The following PPARG variants were observed in gnomAD, a reference collection of about 807,000 sequenced individuals.
PPARG encodes peroxisome proliferator activated receptor gamma.
In PPARG, 17 loss-of-function variants were observed where a neutral mutation model predicts 39.2. The observed-to-expected ratio is 0.43, with a 90% CI of 0.30 to 0.65. The LOEUF (loss-of-function observed/expected upper bound fraction) is 0.65, where lower values mean the gene tolerates loss of function less well. Ranked by LOEUF, PPARG falls within the 30% of genes least tolerant of loss-of-function variation. The pLI is 0.13. For missense variants in PPARG, 406 were observed against 585.9 expected, an observed-to-expected ratio of 0.69 and a Z score of 3.17; for synonymous variants, 223 against 215.7, an observed-to-expected ratio of 1.03 and a Z score of -0.30.
intron 2 of PPARG, among the ~76,000 whole-genome samples, chr3:12,358,522 T>G (rs538878365): frequency 6.6e-6 from 1 of 152,326 alleles, no homozygotes; most frequent in South Asian, 2.1e-4. Context: ...AGCAATAAAG[T>G]ATGCCTGATT....
chr3:12,337,197 A>G (rs1423250947), intron 2 of PPARG, among the ~76,000 whole-genome samples: 2 of 152,248 alleles, frequency 1.3e-5, no homozygotes, highest in African/African-American at 4.8e-5. Flanking sequence ...GTGTTACAGC[A>G]TAAGAAAGAT....
intron 1 of PPARG, among the ~76,000 whole-genome samples, chr3:12,308,644 A>G (rs2124981235): frequency 6.6e-6 from 1 of 152,344 alleles, no homozygotes; most frequent in Non-Finnish European, 1.5e-5. Context: ...TGCCCATGGT[A>G]TCTGAGTAGT....
chr3:12,347,467 C>G (rs2048361115), intron 2 of PPARG, among the ~76,000 whole-genome samples: 1 of 152,110 alleles, frequency 6.6e-6, no homozygotes, highest in African/African-American at 2.4e-5. Flanking sequence ...TTGTTCTTCT[C>G]AAAGGAGTGT....
intron 4 of PPARG, among the ~76,000 whole-genome samples, chr3:12,388,990 T>C (rs2125202581): frequency 6.6e-6 from 1 of 152,178 alleles, no homozygotes; most frequent in Non-Finnish European, 1.5e-5. Flanking sequence ...AAAGCAACAG[T>C]GTCTTAAAGA....
intron 2 of PPARG, among the ~76,000 whole-genome samples, chr3:12,359,959 A>G (rs1251043888): frequency 6.6e-6 from 1 of 152,134 alleles, no homozygotes; most frequent in African/African-American, 2.4e-5. Context: ...GATGTGAGCC[A>G]CTATGCCCAG....
intron 2 of PPARG, among the ~76,000 whole-genome samples, chr3:12,377,015 T>A (rs1308048377): frequency 6.6e-6 from 1 of 152,216 alleles, no homozygotes; most frequent in African/African-American, 2.4e-5. Context: ...ACTGCTTTTT[T>A]GGCACCACTT....
At chr3:12,302,535 A>AG (rs1414016702) in intron 1 of PPARG, among the ~76,000 whole-genome samples, 2 of 152,242 alleles carry the variant, frequency 1.3e-5, no homozygotes, top group African/African-American at 2.4e-5. Context: ...TAAGAAAAAA[A>AG]AAGTTCCTGG....
chr3:12,427,629 A>G (rs1056350793), intron 7 of PPARG, among the ~76,000 whole-genome samples: 3 of 152,230 alleles, frequency 2.0e-5, no homozygotes, highest in African/African-American at 4.8e-5. Context: ...ACCCAGAAAG[A>G]TTAGATGATT....
intron 2 of PPARG, among the ~76,000 whole-genome samples, chr3:12,361,675 T>G (rs1015799600): frequency 5.3e-5 from 8 of 152,258 alleles, no homozygotes; most frequent in African/African-American, 1.9e-4. Context: ...TATTCTGGAC[T>G]TACTCTTCTA....
At chr3:12,296,704 A>G (rs551888857) in intron 1 of PPARG, among the ~76,000 whole-genome samples, 2 of 152,312 alleles carry the variant, frequency 1.3e-5, no homozygotes, top group African/African-American at 4.8e-5. Flanking sequence ...AGACCTTGCA[A>G]CACTGGTTCT....
At chr3:12,408,496 G>A (rs2050753148) in intron 6 of PPARG, among the ~76,000 whole-genome samples, 1 of 151,340 alleles carries the variant, frequency 6.6e-6, no homozygotes, top group South Asian at 2.1e-4. Flanking sequence ...AAATTAAAAG[G>A]ATTGCTGAAA....
chr3:12,421,972 G>C (rs1314864471), intron 7 of PPARG, among the ~76,000 whole-genome samples: 1 of 152,160 alleles, frequency 6.6e-6, no homozygotes, highest in African/African-American at 2.4e-5. Context: ...TGTTCTCATT[G>C]CTATGCATTT....
chr3:12,352,824 C>T (rs1334816197), intron 2 of PPARG, among the ~76,000 whole-genome samples: 1 of 152,132 alleles, frequency 6.6e-6, no homozygotes, highest in Non-Finnish European at 1.5e-5. Context: ...ATCATCTAAG[C>T]CTCTTAACTA....
intron 2 of PPARG, among the ~76,000 whole-genome samples, chr3:12,325,464 C>T (rs1212567114): frequency 6.6e-6 from 1 of 151,198 alleles, no homozygotes; most frequent in Non-Finnish European, 1.5e-5. Flanking sequence ...GAGCCAGTGT[C>T]GTGGTGTGCA....
intron 2 of PPARG, among the ~76,000 whole-genome samples, chr3:12,348,038 G>T (rs2048376910): frequency 6.6e-6 from 1 of 152,074 alleles, no homozygotes; most frequent in South Asian, 2.1e-4. Flanking sequence ...AAAAGAAAAA[G>T]CTATTTAAGC....
upstream of PPARG, among the ~76,000 whole-genome samples, chr3:12,288,548 A>C (rs2124910579): frequency 6.6e-6 from 1 of 151,752 alleles, no homozygotes; most frequent in African/African-American, 2.4e-5. Flanking sequence ...GGACCCGGGG[A>C]AGCGAAGATC....
chr3:12,349,557 T>C (rs1447007210), intron 2 of PPARG, among the ~76,000 whole-genome samples: 2 of 152,234 alleles, frequency 1.3e-5, no homozygotes, highest in African/African-American at 2.4e-5. Context: ...ATTAAAATTG[T>C]AGTTTTTGCT....
chr3:12,369,712 G>C (rs2049141715), intron 2 of PPARG, among the ~76,000 whole-genome samples: 1 of 152,128 alleles, frequency 6.6e-6, no homozygotes, highest in Non-Finnish European at 1.5e-5. Context: ...TGAAAGTGCT[G>C]CTTAAGGTTG....
Position 12,387,897 on chromosome 3 carries a change from G to T in PPARG, c.391-4717G>T, listed in dbSNP as rs139572870. Among the ~76,000 whole-genome samples the T allele has an allele frequency of 5.6e-3, 856 of 151,826 alleles. 5 individuals carry two copies. The highest frequency in any genetic ancestry group is 0.014 in the Middle Eastern group (4 of 294). ...TCCATCTTGAGTTAATTTTGTATAT[G>T]GTGTAAGGAAGGGATCAATAATTCT... On this transcript the variant is annotated intron_variant, in intron 4 of 7. Transcript: ENST00000651735.
Sources: gnomAD v4.1 joint callset for allele counts (sites outside exome capture counted in the v4.1 genomes callset) on GRCh38, gnomAD v4.1.1 for gene constraint, MANE v1.5 for transcripts, NCBI Gene and HGNC (gene_info 2026-07-23, HGNC 2026-07-21) for gene names.